Variants in TIAM1 observed in about 807,000 individuals in gnomAD.
TIAM1 encodes rho guanine nucleotide exchange factor TIAM1.
TIAM1 carries 65 observed loss-of-function variants against 163.5 expected under a neutral mutation model. The ratio of observed to expected loss-of-function variants is 0.40; its 90% CI spans 0.33 to 0.49. The LOEUF (loss-of-function observed/expected upper bound fraction) is 0.49, where lower values mean the gene tolerates loss of function less well. TIAM1 is among the 20% of genes least tolerant of loss of function. The pLI is 0.77. For missense variants in TIAM1, 1,789 were observed against 2,044.7 expected, an observed-to-expected ratio of 0.87 and a Z score of 2.41; for synonymous variants, 833 against 810.1, an observed-to-expected ratio of 1.03 and a Z score of -0.48.
At chr21:31,155,432 T>C (rs2083569566) in intron 16 of TIAM1, among the ~76,000 whole-genome samples, 1 of 152,228 alleles carries the variant, frequency 6.6e-6, no homozygotes, top group African/African-American at 2.4e-5. Context: ...CTAGAGGCTA[T>C]GTAGTAGCAC....
chr21:31,145,278 A>C (rs2083058132), intron 20 of TIAM1, among the ~76,000 whole-genome samples: 1 of 152,328 alleles, frequency 6.6e-6, no homozygotes, highest in Middle Eastern at 3.4e-3. Context: ...TGTTACCCAG[A>C]GATCTGTATT....
chr21:31,202,473 G>C (rs182001609), intron 12 of TIAM1, among the ~76,000 whole-genome samples: 435 of 152,190 alleles, frequency 2.9e-3, no homozygotes, highest in African/African-American at 9.6e-3. Flanking sequence ...GGCTGGCACA[G>C]GAGGACCACT....
At chr21:31,458,626 G>C (rs1476300044) in intron 2 of TIAM1, among the ~76,000 whole-genome samples, 1 of 152,116 alleles carries the variant, frequency 6.6e-6, no homozygotes, top group African/African-American at 2.4e-5. Flanking sequence ...CGCTGATTTA[G>C]ACAATGGGCA....
intron 1 of TIAM1, among the ~76,000 whole-genome samples, chr21:31,529,559 G>A (rs1369188843): frequency 2.6e-5 from 4 of 152,122 alleles, no homozygotes; most frequent in Admixed American, 2.6e-4. Flanking sequence ...ATCAGCAAAT[G>A]GATTTCCTTT....
chr21:31,196,723 G>A lies in TIAM1; in HGVS notation c.2494-1418C>T, dbSNP rs557078742. ...AAAGAACTTAGAACTACCGCTTGAC[G>A]CAGCAATCCCATTACTTGGTATACA... On this transcript the variant is annotated intron_variant, in intron 12 of 27. Transcript: ENST00000541036. Among the ~76,000 whole-genome samples the A allele has an allele frequency of 8.5e-5, 13 of 152,158 alleles. No individual in the cohort carries two copies. The East Asian group carries it at 9.7e-4, about 11-fold the overall frequency.
rs753906635 is a variant in TIAM1, at chr21:31,225,711, C to T, written c.1809+15G>A. The T allele has an allele frequency of 2.0e-5, 32 of 1,598,922 alleles. No homozygotes were observed. The highest frequency in any genetic ancestry group is 3.3e-5 in the Admixed American group (2 of 59,746). On this transcript the variant is annotated intron_variant, in intron 7 of 27. Coordinates refer to ENST00000541036, the MANE Select transcript of TIAM1 (RefSeq NM_001353694.2). ...TAACAATTTTGTCCGGACCTAAACA[C>T]GGAAGAACGATTACCTGATCTAATA... is the stretch of plus-strand genomic sequence containing the variant.
At chr21:31,536,280 T>C (rs11700615) in intron 1 of TIAM1, among the ~76,000 whole-genome samples, 2 of 152,172 alleles carry the variant, frequency 1.3e-5, no homozygotes, top group Admixed American at 1.3e-4. Context: ...ATTCTATTCA[T>C]AAGTGGCTAA....
At chr21:31,425,647 CTCTT>C (rs146733084) in intron 2 of TIAM1, among the ~76,000 whole-genome samples, 5,486 of 134,760 alleles carry the variant, frequency 0.041, 392 homozygotes, top group African/African-American at 0.15. Flanking sequence ...CCCTCTCTCC[CTCTT>C]TCTTTCTTTC....
chr21:31,433,202 G>C (rs2044101867), intron 2 of TIAM1, among the ~76,000 whole-genome samples: 1 of 152,178 alleles, frequency 6.6e-6, no homozygotes, highest in Non-Finnish European at 1.5e-5. Flanking sequence ...AGCCTTCCTA[G>C]ATTTGATCCT....
Position 31,430,247 on chromosome 21 carries a change from T to TATATATAC in TIAM1, c.-369+33735_-369+33736insGTATATAT, listed in dbSNP as rs1491352162. On this transcript the variant is annotated intron_variant, in intron 2 of 28. Coordinates refer to the TIAM1 transcript ENST00000286827. ...AAAAATATATATATATATATATATA[T>TATATATAC]ACACACACACACACACACACACACA... 8.4e-3 allele frequency among the ~76,000 whole-genome samples: 893 copies of TATATATAC among 106,598 alleles called. 22 individuals carry two copies. Among genetic ancestry groups the TATATATAC allele is most frequent in the African/African-American group, 0.033 (863 of 26,406 alleles). The allele number at this position is 106,598 out of a possible 152,430, so 69.9% of individuals were successfully genotyped here.
At chr21:31,359,303 A>G (rs1263210060) in intron 2 of TIAM1, among the ~76,000 whole-genome samples, 1 of 152,200 alleles carries the variant, frequency 6.6e-6, no homozygotes, top group Non-Finnish European at 1.5e-5. Context: ...TCACAAAGAC[A>G]AGGGTCTTTG....
chr21:31,424,457 C>A lies in TIAM1; in HGVS notation c.-369+39526G>T, dbSNP rs189076150. 1.3e-3 allele frequency among the ~76,000 whole-genome samples: 205 copies of A among 152,128 alleles called. 2 individuals are homozygous for A. The highest frequency in any genetic ancestry group is 2.3e-3 in the Non-Finnish European group (159 of 67,994). On this transcript the variant is annotated intron_variant, in intron 2 of 28. Coordinates refer to the TIAM1 transcript ENST00000286827. ...AGACGTTCCATGGAATATTATTCAG[C>A]CTTAAAAGGAAAAATATTCTGACAC...
chr21:31,252,293 C>A, intron 4 of TIAM1, 104 bp from the exon 5 acceptor site: 5 of 1,278,380 alleles, frequency 3.9e-6, no homozygotes, highest in Non-Finnish European at 2.2e-6. Flanking sequence ...TCTGTAGCAG[C>A]GGGATACGCA....
chr21:31,319,015 C>T (rs1396466744), intron 2 of TIAM1, among the ~76,000 whole-genome samples: 7 of 152,192 alleles, frequency 4.6e-5, no homozygotes, highest in Admixed American at 4.6e-4. Context: ...AGGCCTATAC[C>T]ACCATGCCCA....
At chr21:31,295,580 C>T (rs578119255) in intron 2 of TIAM1, among the ~76,000 whole-genome samples, 73 of 150,924 alleles carry the variant, frequency 4.8e-4, no homozygotes, top group Non-Finnish European at 8.8e-4. Flanking sequence ...AGGTGCCATA[C>T]GATAAACTCA....
intron 1 of TIAM1, among the ~76,000 whole-genome samples, chr21:31,548,314 G>A (rs1160130502): frequency 6.6e-6 from 1 of 151,680 alleles, no homozygotes; most frequent in African/African-American, 2.4e-5. Context: ...GCCAATTTTT[G>A]TATTTTTAGT....
At chr21:31,139,534 A>G (rs1391419915) in intron 22 of TIAM1, among the ~76,000 whole-genome samples, 2 of 152,170 alleles carry the variant, frequency 1.3e-5, no homozygotes, top group African/African-American at 4.8e-5. Context: ...CAACACCAAA[A>G]TATGGTAAGT....
At chr21:31,224,768 G>T (rs911784799) in intron 7 of TIAM1, among the ~76,000 whole-genome samples, 3 of 152,110 alleles carry the variant, frequency 2.0e-5, no homozygotes, top group Non-Finnish European at 4.4e-5. Context: ...AACCCCAGAG[G>T]GAGAGAAATG....
In TIAM1 at chr21:31,149,316, A is replaced by G. The variant is rs571321544; in HGVS notation, c.3367-2313T>C. Reference sequence around the variant, plus strand: ...TTTCATATTTGGGAATATCTGCATTATATTTACTGGTTGAGCATCAAAAAT... The same window carrying G: ...TTTCATATTTGGGAATATCTGCATTGTATTTACTGGTTGAGCATCAAAAAT... On this transcript the variant is annotated intron_variant, in intron 19 of 27. Transcript: ENST00000541036. 5.7e-4 allele frequency among the ~76,000 whole-genome samples: 87 copies of G among 152,330 alleles called. 1 individual carries two copies. Among genetic ancestry groups the G allele is most frequent in the African/African-American group, 1.9e-3 (79 of 41,562 alleles).
Sources: allele counts gnomAD v4.1 joint callset (sites outside exome capture counted in the v4.1 genomes callset), GRCh38; gene constraint gnomAD v4.1.1; transcripts MANE v1.5; gene names NCBI Gene and HGNC (gene_info 2026-07-23, HGNC 2026-07-21).